EPB41L2: variants seen among roughly 807,000 people sequenced by gnomAD.
EPB41L2 encodes the protein erythrocyte membrane protein band 4.1 like 2.
In EPB41L2, 43 loss-of-function variants were observed where a neutral mutation model predicts 113.0. The ratio of observed to expected loss-of-function variants is 0.38; its 90% CI spans 0.30 to 0.49. EPB41L2 has a LOEUF of 0.49. Ranked by LOEUF, EPB41L2 falls within the 20% of genes least tolerant of loss-of-function variation. The pLI is 0.95. For missense variants in EPB41L2, 1,147 were observed against 1,223.4 expected, an observed-to-expected ratio of 0.94 and a Z score of 0.93; for synonymous variants, 442 against 436.7, an observed-to-expected ratio of 1.01 and a Z score of -0.15.
In EPB41L2 at chr6:130,876,699, T is replaced by C. The variant is rs190525381; in HGVS notation, c.2043+1405A>G. On this transcript the variant is annotated intron_variant, in intron 14 of 19. Coordinates refer to ENST00000337057, the MANE Select transcript of EPB41L2 (RefSeq NM_001431.4). ...CTTGTCCGTCTCCTGAGCTTTTTCTTCAACTGTCCATATTGTCGGCATCAG... is the reference window on the plus strand; with the variant it reads ...CTTGTCCGTCTCCTGAGCTTTTTCTCCAACTGTCCATATTGTCGGCATCAG... 2.6e-4 allele frequency: 341 copies of C among 1,304,108 alleles called. No homozygotes were observed. In the African/African-American group the frequency reaches 4.6e-3, roughly 18 times the overall value. The allele number at this position is 1,304,108 out of a possible 1,614,324, so 80.8% of individuals were successfully genotyped here.
At chr6:130,951,273 G>T (rs200647972) in intron 3 of EPB41L2, among the ~76,000 whole-genome samples, 1 of 135,192 alleles carries the variant, frequency 7.4e-6, no homozygotes, top group Non-Finnish European at 1.5e-5. Flanking sequence ...GGAGGGGGAG[G>T]GGGGGAGGGG....
chr6:131,022,941 A>G (rs1174984627), intron 1 of EPB41L2, among the ~76,000 whole-genome samples: 3 of 152,232 alleles, frequency 2.0e-5, no homozygotes, highest in African/African-American at 7.2e-5. Context: ...GACGATTTCC[A>G]CAAGGGCAGG....
At chr6:130,930,987 C>G (rs1211923341) in intron 3 of EPB41L2, among the ~76,000 whole-genome samples, 3 of 151,798 alleles carry the variant, frequency 2.0e-5, no homozygotes, top group African/African-American at 7.3e-5. Flanking sequence ...GAAGAGAAAA[C>G]CAGTGAACTG....
chr6:130,863,590 T>C (rs368832052), intron 18 of EPB41L2, 48 bp downstream of exon 18: 8 of 1,347,064 alleles, frequency 5.9e-6, no homozygotes, highest in South Asian at 2.4e-5. Flanking sequence ...ATGTGAAACT[T>C]AGAAAACAAA....
intron 18 of EPB41L2, 110 bp downstream of exon 18, chr6:130,863,528 T>C (rs1285900321): frequency 2.8e-6 from 2 of 709,162 alleles, no homozygotes; most frequent in Non-Finnish European, 4.9e-6. Context: ...GTGGACTTCA[T>C]CCAGGAGGTT....
chr6:130,878,086 A>C lies in EPB41L2; in HGVS notation c.2043+18T>G. The C allele has an allele frequency of 6.4e-7, 1 of 1,562,802 alleles. No individual in the cohort carries two copies. The highest frequency in any genetic ancestry group is 8.6e-7 in the Non-Finnish European group (1 of 1,156,816). On this transcript the variant is annotated intron_variant, in intron 14 of 19. Coordinates refer to ENST00000337057, the MANE Select transcript of EPB41L2 (RefSeq NM_001431.4). ...GCAACTGAAGTGAGACAGAGCCAAC[A>C]AATAGCTAATGACATACCCCTTGTG...
chr6:130,994,992 C>A (rs1173877407), intron 1 of EPB41L2, among the ~76,000 whole-genome samples: 3 of 151,858 alleles, frequency 2.0e-5, no homozygotes, highest in South Asian at 2.1e-4. Flanking sequence ...CAGACAGAAC[C>A]TATATTCATC....
At position 130,869,897 on chromosome 6, in the gene EPB41L2, G is replaced by C; in HGVS notation, c.2273C>G (p.Pro758Arg). Residue 758 changes from proline (P) to arginine (R), a missense_variant, in exon 15 of 20, where the codon CCC becomes CGC. Coordinates refer to ENST00000337057, the MANE Select transcript of EPB41L2 (RefSeq NM_001431.4). ...GGTGCCCTCGGTCACTCGGTGGTGG[G>C]GACGGTACTCTCCCACGTCTTCCTC... ...SEEEDVGEYR[P>R]HHRVTEGTIR... 6.2e-7 allele frequency: 1 copy of C among 1,612,296 alleles called. No individual in the cohort carries two copies. Among genetic ancestry groups the C allele is most frequent in the South Asian group, 1.1e-5 (1 of 91,002 alleles).
chr6:130,969,045 G>C (rs1237661390), intron 1 of EPB41L2, among the ~76,000 whole-genome samples: 1 of 152,096 alleles, frequency 6.6e-6, no homozygotes, highest in Non-Finnish European at 1.5e-5. Context: ...ATCCTGCTAT[G>C]ATACTAAACT....
At chr6:131,031,335 G>C (rs1367288257) in intron 1 of EPB41L2, among the ~76,000 whole-genome samples, 1 of 151,940 alleles carries the variant, frequency 6.6e-6, no homozygotes, top group East Asian at 1.9e-4. Context: ...TAAGCTATAA[G>C]TGATAACAAT....
intron 5 of EPB41L2, among the ~76,000 whole-genome samples, chr6:130,907,360 T>G (rs190817049): frequency 6.6e-6 from 1 of 152,358 alleles, no homozygotes; most frequent in Non-Finnish European, 1.5e-5. Context: ...GTCTACTTAT[T>G]CCTCTTCTTT....
intron 3 of EPB41L2, among the ~76,000 whole-genome samples, chr6:130,937,446 CT>C (rs2060312411): frequency 6.6e-6 from 1 of 152,158 alleles, no homozygotes. Context: ...ATATGTGCTC[CT>C]TTTGTCCCTT....
In EPB41L2 at chr6:130,840,586, A is replaced by G. The variant is rs1775133400; in HGVS notation, c.*18T>C. The stretch of plus-strand genomic sequence containing the variant: ...GGGTTCACAAAGTTGAGTGTTGTTT[A>G]AAAAATGACTTTCTAGAAGAGAAAA... On this transcript the variant is annotated 3_prime_UTR_variant, in exon 20 of 20. Transcript: ENST00000337057. The G allele has an allele frequency of 6.6e-6, 1 of 151,112 alleles. No homozygotes were observed. Among genetic ancestry groups the G allele is most frequent in the African/African-American group, 2.5e-5 (1 of 40,788 alleles). 9.4% of individuals were successfully genotyped at this position (151,112 alleles called of 1,614,324 possible).
At chr6:130,934,383 T>C (rs1808039135) in intron 3 of EPB41L2, among the ~76,000 whole-genome samples, 1 of 152,214 alleles carries the variant, frequency 6.6e-6, no homozygotes. Context: ...GAAAACGTTT[T>C]TTCCAAATAC....
chr6:130,870,396 G>A lies in EPB41L2; in HGVS notation c.2044-270C>T, dbSNP rs918951672. On this transcript the variant is annotated intron_variant, in intron 14 of 19. Coordinates refer to ENST00000337057, the MANE Select transcript of EPB41L2 (RefSeq NM_001431.4). ...GGAGCACGTGTCTGCAGAACAAAAA[G>A]CAACCGAGGACACAAAATCAATACA... 4 of 1,550,374 alleles carry A rather than the reference G, an allele frequency of 2.6e-6. No individual in the cohort carries two copies. The African/African-American group carries it at 5.5e-5, about 21-fold the overall frequency.
chr6:131,023,938 A>G (rs756073943), intron 1 of EPB41L2, among the ~76,000 whole-genome samples: 3 of 152,078 alleles, frequency 2.0e-5, no homozygotes, highest in Non-Finnish European at 4.4e-5. Flanking sequence ...TCACTCATTC[A>G]GGATCTGTGT....
At chr6:130,983,367 T>C (rs528740333) in intron 1 of EPB41L2, among the ~76,000 whole-genome samples, 5 of 152,280 alleles carry the variant, frequency 3.3e-5, no homozygotes, top group East Asian at 1.9e-4. Flanking sequence ...CTTAAGGTGA[T>C]TGGTGATTTC....
At chr6:130,961,761 C>T (rs1773618461) in intron 1 of EPB41L2, among the ~76,000 whole-genome samples, 1 of 152,156 alleles carries the variant, frequency 6.6e-6, no homozygotes. Flanking sequence ...GCTGAGATCA[C>T]AAGCAATATG....
At chr6:130,887,066 T>C (rs895936127) in intron 11 of EPB41L2, among the ~76,000 whole-genome samples, 16 of 152,146 alleles carry the variant, frequency 1.1e-4, no homozygotes, top group Non-Finnish European at 1.9e-4. Context: ...CTCAGAAATT[T>C]TGCAAAATGA....
Sources: allele counts gnomAD v4.1 joint callset (sites outside exome capture counted in the v4.1 genomes callset), GRCh38; gene constraint gnomAD v4.1.1; transcripts MANE v1.5; gene names NCBI Gene and HGNC (gene_info 2026-07-23, HGNC 2026-07-21).